PHACTR4: variants seen among roughly 807,000 people sequenced by gnomAD.
PHACTR4 encodes protein phosphatase 1, regulatory subunit 124.
Under a neutral mutation model 72.7 loss-of-function variants are expected in PHACTR4, and 51 were observed. The observed-to-expected ratio is 0.70, with a 90% CI of 0.56 to 0.89. The LOEUF (loss-of-function observed/expected upper bound fraction) is 0.89. Ranked by LOEUF, PHACTR4 falls within the 40% of genes least tolerant of loss-of-function variation. The pLI, the probability that PHACTR4 is intolerant of heterozygous loss-of-function variation, is 0.00. For synonymous variants in PHACTR4, 255 were observed against 302.5 expected (o/e 0.84, Z 1.63); for missense variants, 731 against 861.8 (o/e 0.85, Z 1.90).
In PHACTR4 at chr1:28,483,459, A is replaced by G. The variant is rs145339482; in HGVS notation, c.1760+2855A>G. On this transcript the variant is annotated intron_variant, in intron 9 of 13. Transcript: ENST00000373839. ...GCAAAACCTTGTCTCAAAAAAAAGT[A>G]AAGAAAGACATGTTTATTATATGGT... Among the ~76,000 whole-genome samples the G allele has an allele frequency of 8.9e-3, 1,347 of 150,550 alleles. 18 individuals are homozygous for G. The highest frequency in any genetic ancestry group is 0.032 in the African/African-American group (1,287 of 40,064).
rs114553898 is a variant in PHACTR4, at chr1:28,442,138, C to T, written c.17-16947C>T. ...CATATCCTTAAATTAGGCACAAGAC[C>T]GAAGAATTTTTTCAATTTATTTTTT... On this transcript the variant is annotated intron_variant, in intron 2 of 13. Transcript: ENST00000373839. 5.2e-3 allele frequency among the ~76,000 whole-genome samples: 797 copies of T among 152,070 alleles called. 6 individuals are homozygous for T. Among genetic ancestry groups the T allele is most frequent in the African/African-American group, 0.018 (739 of 41,486 alleles).
intron 2 of PHACTR4, among the ~76,000 whole-genome samples, chr1:28,447,547 G>C (rs575826883): frequency 6.6e-6 from 1 of 151,752 alleles, no homozygotes; most frequent in South Asian, 2.1e-4. Flanking sequence ...CCACCACCAT[G>C]CCTGGCTATG....
chr1:28,479,528 A>AACCCTGGGCAACAGAGCTGTT lies in PHACTR4; in HGVS notation c.1607-923_1607-922insACCCTGGGCAACAGAGCTGTT, dbSNP rs553971922. On this transcript the variant is annotated intron_variant, in intron 8 of 13. Coordinates refer to ENST00000373839, the MANE Select transcript of PHACTR4 (RefSeq NM_001048183.3). Reference sequence around the variant, plus strand: ...AGCCTGGGAGGCGGAGGTTGCAGTGAGCCGAGATCTTGCCACTGCACTGCA... The same window carrying AACCCTGGGCAACAGAGCTGTT: ...AGCCTGGGAGGCGGAGGTTGCAGTGAACCCTGGGCAACAGAGCTGTTGCCGAGATCTTGCCACTGCACTGCA... Among the ~76,000 whole-genome samples, 135 of 148,404 alleles carry AACCCTGGGCAACAGAGCTGTT rather than the reference A, an allele frequency of 9.1e-4. No homozygotes were observed. The East Asian group carries it at 0.022, about 25-fold the overall frequency.
At chr1:28,490,215 C>T (rs1208055675) in intron 10 of PHACTR4, among the ~76,000 whole-genome samples, 2 of 152,058 alleles carry the variant, frequency 1.3e-5, no homozygotes, top group East Asian at 1.9e-4. Context: ...GTATTTGTAT[C>T]GTTGACAAGA....
chr1:28,378,263 A>C (rs565660663), intron 1 of PHACTR4, among the ~76,000 whole-genome samples: 9 of 140,976 alleles, frequency 6.4e-5, no homozygotes, highest in Admixed American at 2.2e-4. Flanking sequence ...GCACTTTGGG[A>C]GGCTGAGGCG....
At chr1:28,489,840 T>G in intron 10 of PHACTR4, 1 of 519,042 alleles carries the variant, frequency 1.9e-6, no homozygotes, top group Non-Finnish European at 3.8e-6. Flanking sequence ...TTGGGGCTAT[T>G]TGTGAGCATG....
At chr1:28,474,834 C>T (rs1013563255) in intron 7 of PHACTR4, among the ~76,000 whole-genome samples, 7 of 152,098 alleles carry the variant, frequency 4.6e-5, no homozygotes, top group Admixed American at 6.6e-5. Flanking sequence ...TGAGCCACCG[C>T]GCCCAGCATT....
intron 1 of PHACTR4, among the ~76,000 whole-genome samples, chr1:28,401,400 G>A (rs371401285): frequency 6.8e-6 from 1 of 148,046 alleles, no homozygotes. Context: ...TCCACCTCCC[G>A]AGTTCAAGCC....
intron 1 of PHACTR4, 131 bp from the exon 2 acceptor site, chr1:28,407,279 G>A (rs575878345): frequency 5.0e-6 from 2 of 396,526 alleles, no homozygotes; most frequent in South Asian, 5.6e-5. Context: ...CATTTAATAA[G>A]TTGTACATTT....
At chr1:28,456,755 A>G (rs950910362) in intron 2 of PHACTR4, among the ~76,000 whole-genome samples, 1 of 152,036 alleles carries the variant, frequency 6.6e-6, no homozygotes, top group African/African-American at 2.4e-5. Context: ...CATAATTTCA[A>G]CTATTTGCCT....
chr1:28,393,911 C>A (rs1283775564), intron 1 of PHACTR4, among the ~76,000 whole-genome samples: 2 of 151,808 alleles, frequency 1.3e-5, no homozygotes, highest in African/African-American at 4.8e-5. Flanking sequence ...CAAGGTTTTG[C>A]CATGTTGCCC....
chr1:28,370,784 T>G (rs1651182520), intron 1 of PHACTR4, among the ~76,000 whole-genome samples: 1 of 152,036 alleles, frequency 6.6e-6, no homozygotes, highest in South Asian at 2.1e-4. Context: ...GTCACTTACT[T>G]TTTCGCCAAA....
intron 2 of PHACTR4, among the ~76,000 whole-genome samples, chr1:28,414,520 G>A (rs1654989395): frequency 6.7e-6 from 1 of 148,420 alleles, no homozygotes; most frequent in African/African-American, 2.5e-5. Flanking sequence ...TGGGACTATA[G>A]GCACATACCA....
rs1651066667 is a variant in PHACTR4, at chr1:28,369,776, T to A, written c.-88T>A. 1 of 453,246 alleles carries A rather than the reference T, an allele frequency of 2.2e-6. No homozygotes were observed. The allele number at this position is 453,246 out of a possible 1,614,324, so 28.1% of individuals were successfully genotyped here. A position where few individuals can be genotyped will look rare whatever the true frequency, so the allele number is the denominator to read the frequency against. On this transcript the variant is annotated 5_prime_UTR_variant, in exon 1 of 14. Coordinates refer to ENST00000373839, the MANE Select transcript of PHACTR4 (RefSeq NM_001048183.3). ...TGGCGGCCAACGGGCCAGGTAGGAT[T>A]TCCGGGAGAGGCTGCTGTGGAGGCT...
intron 2 of PHACTR4, among the ~76,000 whole-genome samples, chr1:28,447,200 C>G (rs188619183): frequency 2.0e-5 from 3 of 151,594 alleles, no homozygotes; most frequent in East Asian, 2.0e-4. Context: ...TTAGTAGAGA[C>G]GGGGTTTCGC....
In PHACTR4 at chr1:28,431,981, T is replaced by C. The variant is rs533271437; in HGVS notation, c.16+24518T>C. 2.7e-5 allele frequency among the ~76,000 whole-genome samples: 4 copies of C among 149,394 alleles called. No individual in the cohort carries two copies. In the East Asian group the frequency reaches 8.2e-4, roughly 31 times the overall value. The stretch of plus-strand genomic sequence containing the variant: ...ATCCCAGCACTTTGGGAGGCCGAAG[T>C]GGGCAGATCATGAGGTTAGGAGTTC... On this transcript the variant is annotated intron_variant, in intron 2 of 13. Coordinates refer to ENST00000373839, the MANE Select transcript of PHACTR4 (RefSeq NM_001048183.3).
chr1:28,450,749 A>G (rs1234819777), intron 2 of PHACTR4, among the ~76,000 whole-genome samples: 1 of 151,892 alleles, frequency 6.6e-6, no homozygotes, highest in Non-Finnish European at 1.5e-5. Flanking sequence ...CCTACCGAGT[A>G]TCTGGGACTG....
At chr1:28,370,431 C>T (rs1229190412) in intron 1 of PHACTR4, among the ~76,000 whole-genome samples, 1 of 152,146 alleles carries the variant, frequency 6.6e-6, no homozygotes, top group African/African-American at 2.4e-5. Flanking sequence ...CGACCCCTCT[C>T]TCCCACCCTC....
At chr1:28,475,835 T>C (rs1253542862) in intron 7 of PHACTR4, among the ~76,000 whole-genome samples, 1 of 151,756 alleles carries the variant, frequency 6.6e-6, no homozygotes, top group Non-Finnish European at 1.5e-5. Context: ...CAAGAGATTC[T>C]CCTGCCTCAG....
Sources: allele counts gnomAD v4.1 joint callset (sites outside exome capture counted in the v4.1 genomes callset), GRCh38; gene constraint gnomAD v4.1.1; transcripts MANE v1.5; gene names NCBI Gene and HGNC (gene_info 2026-07-23, HGNC 2026-07-21).